KLHL6: variants seen among roughly 807,000 people sequenced by gnomAD.
KLHL6 encodes kelch like family member 6.
In KLHL6, 41 loss-of-function variants were observed where a neutral mutation model predicts 58.6. The ratio of observed to expected loss-of-function variants is 0.70; its 90% CI spans 0.55 to 0.91. The LOEUF is 0.91. Ranked by LOEUF, KLHL6 falls within the 40% of genes least tolerant of loss-of-function variation. KLHL6 has a pLI of 0.00. For synonymous variants in KLHL6, 338 were observed against 322.7 expected (o/e 1.05, Z -0.51); for missense variants, 714 against 805.6 (o/e 0.89, Z 1.38).
At chr3:183,529,022 T>C (rs1253308235) in intron 1 of KLHL6, among the ~76,000 whole-genome samples, 4 of 152,210 alleles carry the variant, frequency 2.6e-5, no homozygotes, top group Non-Finnish European at 5.9e-5. Flanking sequence ...CTGGGGGCCA[T>C]TATCCTTAGC....
At chr3:183,532,300 G>A (rs1712188624) in intron 1 of KLHL6, among the ~76,000 whole-genome samples, 1 of 152,220 alleles carries the variant, frequency 6.6e-6, no homozygotes, top group African/African-American at 2.4e-5. Flanking sequence ...AAGCCAGGAA[G>A]GGAGCCCTCA....
Position 183,527,707 on chromosome 3 carries a change from T to TGTGTGTGTTTGTGTGC in KLHL6, c.459+122_459+137dup, listed in dbSNP as rs1239008170. 7 of 693,824 alleles carry TGTGTGTGTTTGTGTGC rather than the reference T, an allele frequency of 1.0e-5. No homozygotes were observed. In the South Asian group the frequency reaches 1.3e-4, roughly 13 times the overall value. The allele number at this position is 693,824 out of a possible 1,614,324, so 43.0% of individuals were successfully genotyped here. ...GCCCAGCTAGGGGTGTGCGTGTGTGTGTGTGTGTTTGTGTGCGTGTGTGTG... is the reference window on the plus strand; with the variant it reads ...GCCCAGCTAGGGGTGTGCGTGTGTGTGTGTGTGTTTGTGTGCGTGTGTGTTTGTGTGCGTGTGTGTG... On this transcript the variant is annotated intron_variant, in intron 2 of 6. Coordinates refer to ENST00000341319, the MANE Select transcript of KLHL6 (RefSeq NM_130446.4).
At chr3:183,516,996 C>T (rs1034126546) in intron 2 of KLHL6, among the ~76,000 whole-genome samples, 4 of 152,188 alleles carry the variant, frequency 2.6e-5, no homozygotes, top group African/African-American at 9.7e-5. Context: ...GCAACCTTCA[C>T]CTCCCGGGTT....
rs1717639453 is a variant in KLHL6, at chr3:183,493,904, G to C, written c.1350+175C>G. 22 of 654,768 alleles carry C rather than the reference G, an allele frequency of 3.4e-5. 1 individual carries two copies. The South Asian group carries it at 3.5e-4, about 10-fold the overall frequency. 40.6% of individuals were successfully genotyped at this position (654,768 alleles called of 1,614,324 possible). A position where few individuals can be genotyped will look rare whatever the true frequency, so the allele number is the denominator to read the frequency against. ...GGACATTGTTTCTGTGACTTGATCA[G>C]CAATACTGAAGCAATAGCTCCTAGG... is the stretch of plus-strand genomic sequence containing the variant. On this transcript the variant is annotated intron_variant, in intron 5 of 6. Transcript: ENST00000341319.
intron 2 of KLHL6, among the ~76,000 whole-genome samples, chr3:183,526,966 G>T (rs1427870653): frequency 6.6e-6 from 1 of 152,000 alleles, no homozygotes; most frequent in Non-Finnish European, 1.5e-5. Context: ...GGGCTTGATG[G>T]CATGCACCTG....
At chr3:183,497,534 A>T (rs1717747424) in intron 4 of KLHL6, among the ~76,000 whole-genome samples, 2 of 152,158 alleles carry the variant, frequency 1.3e-5, no homozygotes, top group South Asian at 4.1e-4. Flanking sequence ...CTGCACCCAG[A>T]GGGGGTGAGG....
chr3:183,535,295 A>G (rs1330328618), intron 1 of KLHL6, among the ~76,000 whole-genome samples: 5 of 152,168 alleles, frequency 3.3e-5, no homozygotes, highest in Non-Finnish European at 7.4e-5. Flanking sequence ...CACAATTCAA[A>G]TGCCCAACAG....
Position 183,510,734 on chromosome 3 carries a change from C to T in KLHL6, c.460-2226G>A, listed in dbSNP as rs577653279. ...TACTAAAAATACAAAATTAGTCAGG[C>T]GTGGTGGCACATGCCTGTAATCCCA... On this transcript the variant is annotated intron_variant, in intron 2 of 6. Coordinates refer to ENST00000341319, the MANE Select transcript of KLHL6 (RefSeq NM_130446.4). Among the ~76,000 whole-genome samples, 6 of 152,058 alleles carry T rather than the reference C, an allele frequency of 3.9e-5. No homozygotes were observed. In the East Asian group the frequency reaches 9.7e-4, roughly 25 times the overall value.
intron 1 of KLHL6, among the ~76,000 whole-genome samples, chr3:183,535,754 A>T (rs1220418944): frequency 6.6e-6 from 1 of 152,126 alleles, no homozygotes; most frequent in Non-Finnish European, 1.5e-5. Flanking sequence ...TGGACTCTTA[A>T]TTGGGCTGTC....
At chr3:183,502,146 A>T (rs557536587) in intron 3 of KLHL6, among the ~76,000 whole-genome samples, 12 of 152,134 alleles carry the variant, frequency 7.9e-5, no homozygotes, top group African/African-American at 2.6e-4. Flanking sequence ...AAAAGAAAAT[A>T]AAAAAATTAG....
In KLHL6 at chr3:183,492,988, A is replaced by G. The variant is rs918965435; in HGVS notation, c.1351-281T>C. 4.8e-6 allele frequency: 2 copies of G among 416,134 alleles called. No homozygotes were observed. The highest frequency in any genetic ancestry group is 8.9e-6 in the Non-Finnish European group (2 of 224,838). 25.8% of individuals were successfully genotyped at this position (416,134 alleles called of 1,614,324 possible). On this transcript the variant is annotated intron_variant, in intron 5 of 6. Coordinates refer to ENST00000341319, the MANE Select transcript of KLHL6 (RefSeq NM_130446.4). The surrounding 1 kb of genome is among the most constrained non-coding windows in gnomAD (Gnocchi z 5.9). ...CTCAGGCAAGAATAAGTTTATACAGATGAAGTCAGCCAGTGTGGGAGGAAA... is the reference window on the plus strand; with the variant it reads ...CTCAGGCAAGAATAAGTTTATACAGGTGAAGTCAGCCAGTGTGGGAGGAAA...
At chr3:183,547,668 A>G (rs1712770438) in intron 1 of KLHL6, among the ~76,000 whole-genome samples, 1 of 152,198 alleles carries the variant, frequency 6.6e-6, no homozygotes, top group African/African-American at 2.4e-5. Flanking sequence ...TAATCTTTGC[A>G]TTAAGCATTT....
intron 4 of KLHL6, among the ~76,000 whole-genome samples, chr3:183,497,581 A>G (rs1717749242): frequency 6.6e-6 from 1 of 152,064 alleles, no homozygotes; most frequent in Non-Finnish European, 1.5e-5. Flanking sequence ...GTTTTTGCCA[A>G]TGGAATGTGA....
At chr3:183,510,438 G>T (rs1165791316) in intron 2 of KLHL6, among the ~76,000 whole-genome samples, 7 of 152,092 alleles carry the variant, frequency 4.6e-5, no homozygotes, top group African/African-American at 1.4e-4. Flanking sequence ...GGGCAGGACT[G>T]GTTCTAAGAG....
intron 2 of KLHL6, among the ~76,000 whole-genome samples, chr3:183,515,612 A>T (rs530721170): frequency 6.6e-6 from 1 of 152,220 alleles, no homozygotes; most frequent in Non-Finnish European, 1.5e-5. Flanking sequence ...CATGAAGTTC[A>T]TTCTTAAAAG....
chr3:183,538,500 A>G (rs565790478), intron 1 of KLHL6, among the ~76,000 whole-genome samples: 2 of 152,172 alleles, frequency 1.3e-5, no homozygotes, highest in East Asian at 3.8e-4. Flanking sequence ...TGGCTTTAAC[A>G]TCAGTTGCAA....
At chr3:183,533,422 C>G (rs1200036542) in intron 1 of KLHL6, among the ~76,000 whole-genome samples, 1 of 151,544 alleles carries the variant, frequency 6.6e-6, no homozygotes, top group Non-Finnish European at 1.5e-5. Context: ...TATAGGCACC[C>G]ACACCCAACT....
At chr3:183,541,152 G>A (rs1459855404) in intron 1 of KLHL6, among the ~76,000 whole-genome samples, 2 of 152,222 alleles carry the variant, frequency 1.3e-5, no homozygotes, top group Non-Finnish European at 2.9e-5. Flanking sequence ...TTACCCCAAG[G>A]TATTCAAATG....
intron 1 of KLHL6, among the ~76,000 whole-genome samples, chr3:183,534,962 TGAGACAGAGTCTCTCTC>T (rs1712315790): frequency 6.9e-6 from 1 of 144,354 alleles, no homozygotes; most frequent in African/African-American, 2.6e-5. Context: ...TTTTTTTTTT[TGAGACAGAGTCTCTCTC>T]TGTTGCCCAG....
Sources: gnomAD v4.1 joint callset for allele counts (sites outside exome capture counted in the v4.1 genomes callset) on GRCh38, gnomAD v4.1.1 for gene constraint, Gnocchi (gnomAD v3.1) non-coding constraint, MANE v1.5 for transcripts, NCBI Gene and HGNC (gene_info 2026-07-23, HGNC 2026-07-21) for gene names.